FBXO3: variants seen among roughly 807,000 people sequenced by gnomAD.
The protein encoded by FBXO3 is F-box only protein 3.
Under a neutral mutation model 64.8 loss-of-function variants are expected in FBXO3, and 17 were observed. That is an observed-to-expected ratio of 0.26 (90% CI 0.18 to 0.39). FBXO3 has a LOEUF of 0.39. Among genes scored for constraint, FBXO3 ranks in the 10% least tolerant of loss-of-function variants. The probability of loss-of-function intolerance (pLI) is 1.00; values close to 1 mark genes in which losing one functional copy is unlikely to be tolerated. For missense variants in FBXO3, 420 were observed against 589.9 expected (o/e 0.71, Z 2.98); for synonymous variants, 182 against 201.6 (o/e 0.90, Z 0.82).
chr11:33,757,671 A>AAAAAAAAAAAG, intron 4 of FBXO3, among the ~76,000 whole-genome samples: 2 of 143,690 alleles, frequency 1.4e-5, no homozygotes, highest in Admixed American at 1.4e-4. Flanking sequence ...AAAAAAAAAA[A>AAAAAAAAAAAG]AAAAAAAAAA....
chr11:33,746,643 T>C (rs1854819002), intron 10 of FBXO3: 3 of 843,678 alleles, frequency 3.6e-6, no homozygotes, highest in Admixed American at 2.1e-5. Context: ...GTTACACTTG[T>C]CATAAGGTAA....
intron 3 of FBXO3, chr11:33,763,208 A>C (rs72920547): frequency 1.1e-4 from 45 of 426,542 alleles, no homozygotes; most frequent in Middle Eastern, 6.7e-4. Flanking sequence ...AAGCTTACAT[A>C]AACTCTTCCA....
chr11:33,760,709 T>A (rs552599498), intron 3 of FBXO3, among the ~76,000 whole-genome samples: 1 of 152,328 alleles, frequency 6.6e-6, no homozygotes, highest in South Asian at 2.1e-4. Context: ...GAAAAATCAC[T>A]GCTGACCAAA....
At position 33,750,402 on chromosome 11, in the gene FBXO3, T is replaced by C. The variant is rs1854925160; in HGVS notation, c.932+137A>G. On this transcript the variant is annotated intron_variant, in intron 8 of 10. Coordinates refer to ENST00000265651, the MANE Select transcript of FBXO3 (RefSeq NM_012175.4). ...TCCATGAACACTATCTTGTAGAAAA[T>C]GTATCCACCTTCCTCCAAACTTCAG... 6.6e-6 allele frequency: 6 copies of C among 915,190 alleles called. No individual in the cohort carries two copies. The South Asian group carries it at 9.2e-5, about 14-fold the overall frequency. The allele number at this position is 915,190 out of a possible 1,614,324, so 56.7% of individuals were successfully genotyped here. A position where few individuals can be genotyped will look rare whatever the true frequency, so the allele number is the denominator to read the frequency against.
intron 8 of FBXO3, among the ~76,000 whole-genome samples, 178 bp downstream of exon 8, chr11:33,750,361 T>C (rs1854924003): frequency 6.6e-6 from 1 of 152,242 alleles, no homozygotes; most frequent in African/African-American, 2.4e-5. Context: ...TAGAGGTTAA[T>C]ATGAAGTCAA....
Position 33,751,535 on chromosome 11 carries a change from T to C in FBXO3, c.797A>G (p.Asp266Gly). The C allele has an allele frequency of 2.5e-6, 4 of 1,604,602 alleles. No homozygotes were observed. The highest frequency in any genetic ancestry group is 2.6e-6 in the Non-Finnish European group (3 of 1,175,672). ...CAAAATAAAATACCTGAAAATTTGG[T>C]CTCTGATGATGGGGAAGCCACCTGA... ...VVSGGFPIIR[D>G]QIFRYVHDPE... Residue 266 changes from aspartate to glycine, a missense_variant, in exon 7 of 11, where the codon GAC (aspartate) becomes GGC (glycine). Around this residue, in one of 3 missense-constraint regions of FBXO3, gnomAD observed 337 missense variants for 518.4 expected, o/e 0.65. Transcript: ENST00000265651.
chr11:33,751,806 C>T (rs7103573), intron 6 of FBXO3, among the ~76,000 whole-genome samples, 199 bp from the exon 7 acceptor site: 43,287 of 152,084 alleles, frequency 0.28, 6,524 homozygotes, highest in African/African-American at 0.37. Flanking sequence ...GATTCTCCCC[C>T]TCTTCATCCC....
intron 4 of FBXO3, among the ~76,000 whole-genome samples, chr11:33,757,683 T>TAAAAAAAAAAAAAAAAAA (rs1554946196): frequency 2.9e-5 from 1 of 34,758 alleles, no homozygotes; most frequent in African/African-American, 1.0e-4. Context: ...AAAAAAAAAG[T>TAAAAAAAAAAAAAAAAAA]CTGGGTGGTT....
At chr11:33,745,087 G>A (rs1854782586) in intron 10 of FBXO3, 1 of 152,066 alleles carries the variant, frequency 6.6e-6, no homozygotes, top group Non-Finnish European at 1.5e-5. Flanking sequence ...TTAGGACAAG[G>A]AATATTATCA....
intron 3 of FBXO3, among the ~76,000 whole-genome samples, chr11:33,759,001 T>C (rs1855178001): frequency 6.6e-6 from 1 of 152,184 alleles, no homozygotes; most frequent in Non-Finnish European, 1.5e-5. Flanking sequence ...TGACTCTTAA[T>C]GGGAAATATA....
chr11:33,753,708 T>C (rs1369037473), intron 6 of FBXO3: 1 of 152,192 alleles, frequency 6.6e-6, no homozygotes, highest in African/African-American at 2.4e-5. Context: ...TATACATTGT[T>C]CAAAGTTCCA....
intron 1 of FBXO3, chr11:33,773,114 A>G (rs1482280840): frequency 6.6e-6 from 1 of 152,214 alleles, no homozygotes; most frequent in Non-Finnish European, 1.5e-5. Flanking sequence ...TTAGATATAC[A>G]AGCCAGATGA....
Position 33,742,182 on chromosome 11 carries a change from C to T in FBXO3, c.1240-98G>A, listed in dbSNP as rs1854703591. The T allele has an allele frequency of 6.1e-6, 7 of 1,155,870 alleles. No homozygotes were observed. The South Asian group carries it at 1.2e-4, about 20-fold the overall frequency. 71.6% of individuals were successfully genotyped at this position (1,155,870 alleles called of 1,614,324 possible). ...TTTATCTAGAATTCAAACAACCAGA[C>T]ACGCCAAATATGAATTTCCATAGAC... On this transcript the variant is annotated intron_variant, in intron 10 of 10. Transcript: ENST00000265651.
At chr11:33,761,248 C>T (rs1855234510) in intron 3 of FBXO3, among the ~76,000 whole-genome samples, 2 of 151,982 alleles carry the variant, frequency 1.3e-5, no homozygotes, top group Non-Finnish European at 2.9e-5. Context: ...TGGTATAGCT[C>T]AACTCAAACA....
At chr11:33,746,706 C>G in intron 10 of FBXO3, 1 of 1,395,138 alleles carries the variant, frequency 7.2e-7, no homozygotes, top group South Asian at 1.4e-5. Context: ...GAAATGATCC[C>G]AGAGAGACTG....
intron 5 of FBXO3, 47 bp from the exon 6 acceptor site, chr11:33,754,547 T>G (rs1855044371): frequency 3.3e-6 from 5 of 1,503,566 alleles, no homozygotes; most frequent in Non-Finnish European, 4.5e-6. Flanking sequence ...TTTTACTTAA[T>G]TTTTCATTGT....
At chr11:33,758,694 G>C (rs2133609673) in intron 3 of FBXO3, 93 bp from the exon 4 acceptor site, 1 of 774,964 alleles carries the variant, frequency 1.3e-6, no homozygotes, top group African/African-American at 1.7e-5. Context: ...AACAATCTTG[G>C]AATGAGTGAA....
At chr11:33,754,955 TCC>T (rs920322058) in intron 5 of FBXO3, among the ~76,000 whole-genome samples, 3 of 148,082 alleles carry the variant, frequency 2.0e-5, no homozygotes, top group Admixed American at 6.7e-5. Flanking sequence ...GACCTCCGCC[TCC>T]CGGATTCAAG....
At chr11:33,751,960 A>G (rs1418009989) in intron 6 of FBXO3, among the ~76,000 whole-genome samples, 1 of 152,250 alleles carries the variant, frequency 6.6e-6, no homozygotes, top group East Asian at 1.9e-4. Context: ...AGAACAAAGA[A>G]AATACAGCTA....
Sources: allele counts gnomAD v4.1 joint callset (sites outside exome capture counted in the v4.1 genomes callset), GRCh38; gene constraint gnomAD v4.1.1; regional missense constraint gnomAD v4.1.1; transcripts MANE v1.5; gene names NCBI Gene and HGNC (gene_info 2026-07-23, HGNC 2026-07-21).